Variants in APCDD1L observed in about 807,000 individuals in gnomAD.
APCDD1L encodes protein APCDD1-like.
In APCDD1L, 21 loss-of-function variants were observed where a neutral mutation model predicts 24.2. That is an observed-to-expected ratio of 0.87 (90% CI 0.61 to 1.25). The LOEUF (loss-of-function observed/expected upper bound fraction) is 1.25. APCDD1L is among the 50% of genes most tolerant of loss of function. The probability of loss-of-function intolerance (pLI) is 0.00; values close to 1 mark genes in which losing one functional copy is unlikely to be tolerated. For synonymous variants in APCDD1L, 321 were observed against 323.6 expected (o/e 0.99, Z 0.09); for missense variants, 704 against 711.7 (o/e 0.99, Z 0.12).
chr20:58,500,766 G>C lies in APCDD1L; in HGVS notation c.49+13893C>G, dbSNP rs138700297. Among the ~76,000 whole-genome samples the C allele has an allele frequency of 6.5e-4, 99 of 152,140 alleles. 1 individual carries two copies. Among genetic ancestry groups the C allele is most frequent in the African/African-American group, 2.3e-3 (95 of 41,514 alleles). ...CCAGGCCACACCTTTGACTACCCCCGGACATTCATCCTGGCTAAGGAAGCC... is the reference window on the plus strand; with the variant it reads ...CCAGGCCACACCTTTGACTACCCCCCGACATTCATCCTGGCTAAGGAAGCC... On this transcript the variant is annotated intron_variant, in intron 1 of 3. Coordinates refer to ENST00000371149, the MANE Select transcript of APCDD1L (RefSeq NM_153360.3).
In APCDD1L at chr20:58,507,930, T is replaced by A. The variant is rs553840446; in HGVS notation, c.49+6729A>T. On this transcript the variant is annotated intron_variant, in intron 1 of 3. Coordinates refer to ENST00000371149, the MANE Select transcript of APCDD1L (RefSeq NM_153360.3). ...TTGCTCATAATTATAGGAATCCAAA[T>A]CAAAACCACCAAGCATTGCCACTGG... Among the ~76,000 whole-genome samples the A allele has an allele frequency of 3.2e-4, 48 of 152,174 alleles. 1 individual carries two copies. Among genetic ancestry groups the A allele is most frequent in the Non-Finnish European group, 5.7e-4 (39 of 68,038 alleles).
chr20:58,504,699 C>T (rs76440983), intron 1 of APCDD1L, among the ~76,000 whole-genome samples: 4 of 152,150 alleles, frequency 2.6e-5, no homozygotes, highest in African/African-American at 9.7e-5. Context: ...ACTGAGGGCA[C>T]CTTTGGCAAG....
chr20:58,468,288 T>G (rs1989754509), intron 2 of APCDD1L, among the ~76,000 whole-genome samples: 1 of 152,204 alleles, frequency 6.6e-6, no homozygotes, highest in East Asian at 1.9e-4. Flanking sequence ...GGCATGGTTG[T>G]GTGCCAATAA....
At chr20:58,477,294 T>C (rs1989928388) in intron 1 of APCDD1L, among the ~76,000 whole-genome samples, 1 of 152,258 alleles carries the variant, frequency 6.6e-6, no homozygotes. Flanking sequence ...CTGCATTGTA[T>C]TGAGCTGTCA....
At chr20:58,489,388 CA>C (rs912993006) in intron 1 of APCDD1L, among the ~76,000 whole-genome samples, 9 of 149,434 alleles carry the variant, frequency 6.0e-5, no homozygotes, top group Non-Finnish European at 1.3e-4. Flanking sequence ...AAAATAAAAA[CA>C]AAAAAAAATT....
chr20:58,503,901 G>A (rs1163395952), intron 1 of APCDD1L, among the ~76,000 whole-genome samples: 1 of 152,192 alleles, frequency 6.6e-6, no homozygotes, highest in Non-Finnish European at 1.5e-5. Context: ...ACTTTCTCCA[G>A]GACACTCCGT....
intron 1 of APCDD1L, chr20:58,513,839 G>T: frequency 7.9e-7 from 1 of 1,265,086 alleles, no homozygotes; most frequent in Non-Finnish European, 1.0e-6. Context: ...GGGTTGATAT[G>T]ATGTTGATCT....
intron 1 of APCDD1L, among the ~76,000 whole-genome samples, chr20:58,495,861 G>C (rs1419522105): frequency 6.6e-6 from 1 of 152,086 alleles, no homozygotes. Flanking sequence ...GCTGCTGCCA[G>C]GGCCATCAGC....
chr20:58,466,125 C>CAAAAAAA (rs35123325), intron 3 of APCDD1L, among the ~76,000 whole-genome samples: 1 of 120,420 alleles, frequency 8.3e-6, no homozygotes, highest in Non-Finnish European at 1.7e-5. Flanking sequence ...GCTCATCTGG[C>CAAAAAAA]AAAAAAAAAA....
intron 1 of APCDD1L, among the ~76,000 whole-genome samples, chr20:58,471,418 G>C (rs1216731311): frequency 6.6e-6 from 1 of 152,236 alleles, no homozygotes; most frequent in Non-Finnish European, 1.5e-5. Flanking sequence ...AACAATGCAG[G>C]CCCTGCCCTT....
At chr20:58,484,671 G>C (rs1311003347) in intron 1 of APCDD1L, among the ~76,000 whole-genome samples, 2 of 152,174 alleles carry the variant, frequency 1.3e-5, no homozygotes, top group African/African-American at 2.4e-5. Context: ...TGCCGCGGAG[G>C]AACTAGAGAT....
Position 58,467,311 on chromosome 20 carries a change from GCGCTCC to G in APCDD1L, c.530_535del (p.Arg177_Ala179delinsPro). 1 of 1,523,756 alleles carries G rather than the reference GCGCTCC, an allele frequency of 6.6e-7. No homozygotes were observed. The highest frequency in any genetic ancestry group is 8.8e-7 in the Non-Finnish European group (1 of 1,142,200). 94.4% of individuals were successfully genotyped at this position (1,523,756 alleles called of 1,614,324 possible). On this transcript the variant is annotated inframe_deletion, in exon 3 of 4. Coordinates refer to ENST00000371149, the MANE Select transcript of APCDD1L (RefSeq NM_153360.3). The surrounding 1 kb of genome is among the most constrained non-coding windows in gnomAD (Gnocchi z 5.9). ...CTCCAGGCAGTCCCCCTGAGCCCGG[GCGCTCC>G]GCAGCTCGTACAGCGCCCCAGGCAG...
At position 58,494,089 on chromosome 20, in the gene APCDD1L, C is replaced by T. The variant is rs139983132; in HGVS notation, c.49+20570G>A. On this transcript the variant is annotated intron_variant, in intron 1 of 3. Coordinates refer to ENST00000371149, the MANE Select transcript of APCDD1L (RefSeq NM_153360.3). The surrounding 1 kb of genome is among the most constrained non-coding windows in gnomAD (Gnocchi z 4.8). ...ATATTTAGGATTCATTAGCTGGAAG[C>T]GGATCATCATAAAGGTCTTCATCCT... 5.2e-3 allele frequency among the ~76,000 whole-genome samples: 790 copies of T among 152,128 alleles called. 6 individuals are homozygous for T. Among genetic ancestry groups the T allele is most frequent in the African/African-American group, 0.017 (713 of 41,496 alleles).
At chr20:58,475,540 G>C (rs1017437667) in intron 1 of APCDD1L, among the ~76,000 whole-genome samples, 1 of 152,004 alleles carries the variant, frequency 6.6e-6, no homozygotes, top group Non-Finnish European at 1.5e-5. Flanking sequence ...TTTATAAGGA[G>C]ATGTACAAGG....
chr20:58,513,731 A>C, intron 1 of APCDD1L: 1 of 477,424 alleles, frequency 2.1e-6, no homozygotes, highest in South Asian at 1.7e-5. Flanking sequence ...TAATCTTCAC[A>C]ATCATCCCAG....
intron 1 of APCDD1L, among the ~76,000 whole-genome samples, chr20:58,498,006 G>T (rs1990356774): frequency 6.6e-6 from 1 of 152,044 alleles, no homozygotes; most frequent in African/African-American, 2.4e-5. Flanking sequence ...CCCGAGGAGG[G>T]GTGCGGTGGT....
chr20:58,511,070 T>C (rs1990617706), intron 1 of APCDD1L, among the ~76,000 whole-genome samples: 3 of 152,344 alleles, frequency 2.0e-5, no homozygotes, highest in Non-Finnish European at 4.4e-5. Flanking sequence ...ATATACCATC[T>C]TGTTGAACAC....
At chr20:58,490,043 G>A (rs958624489) in intron 1 of APCDD1L, among the ~76,000 whole-genome samples, 2 of 152,054 alleles carry the variant, frequency 1.3e-5, no homozygotes, top group Non-Finnish European at 2.9e-5. Context: ...TTTCCTACAT[G>A]TTTTAGATTG....
At position 58,461,105 on chromosome 20, in the gene APCDD1L, G is replaced by T. The variant is rs569125300; in HGVS notation, c.1191C>A (p.Asn397Lys). 3.4e-5 allele frequency: 55 copies of T among 1,613,988 alleles called. No individual in the cohort carries two copies. The highest frequency in any genetic ancestry group is 4.7e-5 in the Non-Finnish European group (55 of 1,179,968). ...MGTERDVTAT[N>K]GCLPLGIRLP... ...GCCGGATGCCCAGCGGTAGGCAGCC[G>T]TTGGTGGCTGTGACATCCCGCTCAG... Residue 397 changes from asparagine to lysine, a missense_variant, in exon 4 of 4, where the codon AAC (asparagine) becomes AAA (lysine). Transcript: ENST00000371149. The surrounding 1 kb of genome is among the most constrained non-coding windows in gnomAD (Gnocchi z 6.0).
Sources: allele counts gnomAD v4.1 joint callset (sites outside exome capture counted in the v4.1 genomes callset), GRCh38; gene constraint gnomAD v4.1.1; non-coding constraint Gnocchi (gnomAD v3.1); transcripts MANE v1.5; gene names NCBI Gene and HGNC (gene_info 2026-07-23, HGNC 2026-07-21).